Variants in FAM114A1 observed in about 807,000 individuals in gnomAD.
FAM114A1 encodes family with sequence similarity 114 member A1.
Under a neutral mutation model 64.3 loss-of-function variants are expected in FAM114A1, and 62 were observed. The ratio of observed to expected loss-of-function variants is 0.96; its 90% CI spans 0.79 to 1.19. The LOEUF (loss-of-function observed/expected upper bound fraction) is 1.19. Ranked by LOEUF, FAM114A1 falls within the 50% of genes most tolerant of loss-of-function variation. The pLI is 0.00. For synonymous variants in FAM114A1, 254 were observed against 251.1 expected (o/e 1.01, Z -0.11); for missense variants, 645 against 676.3 (o/e 0.95, Z 0.51).
chr4:38,936,253 C>A (rs963989489), intron 13 of FAM114A1, among the ~76,000 whole-genome samples: 1 of 151,608 alleles, frequency 6.6e-6, no homozygotes, highest in Non-Finnish European at 1.5e-5. Context: ...CCACCACACC[C>A]GGCTAATTTT....
chr4:38,931,386 G>C, intron 10 of FAM114A1, 65 bp from the exon 11 acceptor site: 1 of 1,522,342 alleles, frequency 6.6e-7, no homozygotes. Context: ...CTAGTCTTGG[G>C]GTTGGAATGA....
At chr4:38,926,510 A>C (rs1346037679) in intron 9 of FAM114A1, among the ~76,000 whole-genome samples, 1 of 149,924 alleles carries the variant, frequency 6.7e-6, no homozygotes, top group Non-Finnish European at 1.5e-5. Flanking sequence ...GCTGGAGTAC[A>C]GTGGTGCAAT....
intron 7 of FAM114A1, 25 bp from the exon 8 acceptor site, chr4:38,914,896 G>A: frequency 6.2e-7 from 1 of 1,610,930 alleles, no homozygotes; most frequent in Non-Finnish European, 8.5e-7. Flanking sequence ...TACATCCAGA[G>A]TACAAACATT....
chr4:38,935,646 G>A, intron 12 of FAM114A1, 72 bp from the exon 13 acceptor site: 1 of 1,076,260 alleles, frequency 9.3e-7, no homozygotes, highest in Non-Finnish European at 1.4e-6. Flanking sequence ...ATTAGTATCA[G>A]AAATGGTCGT....
At chr4:38,919,939 G>T (rs1031549936) in intron 8 of FAM114A1, among the ~76,000 whole-genome samples, 1 of 152,112 alleles carries the variant, frequency 6.6e-6, no homozygotes, top group Non-Finnish European at 1.5e-5. Context: ...GGCTGGGCGC[G>T]ATGGCACACC....
At chr4:38,917,099 T>C (rs754777120) in intron 8 of FAM114A1, among the ~76,000 whole-genome samples, 36 of 150,742 alleles carry the variant, frequency 2.4e-4, no homozygotes, top group Non-Finnish European at 4.0e-4. Flanking sequence ...ATGTCAGGAG[T>C]TCAAGACCAG....
chr4:38,930,875 A>G (rs1229178360), intron 10 of FAM114A1, among the ~76,000 whole-genome samples: 1 of 152,176 alleles, frequency 6.6e-6, no homozygotes, highest in African/African-American at 2.4e-5. Flanking sequence ...TAAACTAGAC[A>G]CAGAGCAGCA....
At chr4:38,879,249 A>C (rs1394038861) in intron 3 of FAM114A1, among the ~76,000 whole-genome samples, 1 of 152,084 alleles carries the variant, frequency 6.6e-6, no homozygotes, top group Non-Finnish European at 1.5e-5. Context: ...GGAGGGAGGA[A>C]TTGGGGTCTT....
chr4:38,943,570 C>G lies in FAM114A1; in HGVS notation c.*13C>G. 1.2e-6 allele frequency: 2 copies of G among 1,611,500 alleles called. No individual in the cohort carries two copies. The highest frequency in any genetic ancestry group is 1.1e-5 in the South Asian group (1 of 90,960). On this transcript the variant is annotated 3_prime_UTR_variant, in exon 15 of 15. Transcript: ENST00000358869. ...AGCACAGCCGTGACCTGGCCAGACT[C>G]CATCTAGTTAAAGGAGACAGCTGGC...
chr4:38,871,515 T>G (rs1402564374), intron 2 of FAM114A1, among the ~76,000 whole-genome samples: 1 of 152,204 alleles, frequency 6.6e-6, no homozygotes, highest in Non-Finnish European at 1.5e-5. Flanking sequence ...TTGACAATAG[T>G]CCATAAATAT....
At chr4:38,921,854 A>T (rs1719626443) in intron 8 of FAM114A1, among the ~76,000 whole-genome samples, 1 of 152,128 alleles carries the variant, frequency 6.6e-6, no homozygotes, top group African/African-American at 2.4e-5. Context: ...ACCCAGTGTG[A>T]TAACTGACAT....
intron 2 of FAM114A1, among the ~76,000 whole-genome samples, chr4:38,874,446 G>A (rs897618220): frequency 4.6e-5 from 7 of 152,100 alleles, no homozygotes; most frequent in African/African-American, 1.7e-4. Flanking sequence ...TCATATGCTT[G>A]TTGGCCACCT....
At chr4:38,927,132 T>TC (rs145782025) in intron 9 of FAM114A1, among the ~76,000 whole-genome samples, 5 of 152,174 alleles carry the variant, frequency 3.3e-5, no homozygotes, top group Admixed American at 2.0e-4. Flanking sequence ...GGAAGGCTCT[T>TC]CCCCCCTGAC....
At chr4:38,928,493 G>A (rs1720345283) in intron 9 of FAM114A1, among the ~76,000 whole-genome samples, 1 of 151,814 alleles carries the variant, frequency 6.6e-6, no homozygotes, top group Non-Finnish European at 1.5e-5. Context: ...TATACTGTCT[G>A]TTATATATAT....
intron 4 of FAM114A1, among the ~76,000 whole-genome samples, chr4:38,896,038 G>A (rs1716906797): frequency 6.6e-6 from 1 of 152,018 alleles, no homozygotes; most frequent in Non-Finnish European, 1.5e-5. Flanking sequence ...CAGAACCTTA[G>A]TATTTTCTAT....
At position 38,943,940 on chromosome 4, in the gene FAM114A1, T is replaced by C. The variant is rs1407975165; in HGVS notation, c.*383T>C. On this transcript the variant is annotated 3_prime_UTR_variant, in exon 15 of 15. Coordinates refer to ENST00000358869, the MANE Select transcript of FAM114A1 (RefSeq NM_138389.4). The stretch of plus-strand genomic sequence containing the variant: ...TATGTTTCAACCTTTAAATGTTCCA[T>C]TCTTATAGTATTACTTTAAATCAAT... 1 of 166,932 alleles carries C rather than the reference T, an allele frequency of 6.0e-6. No homozygotes were observed. The highest frequency in any genetic ancestry group is 1.3e-5 in the Non-Finnish European group (1 of 75,718). The allele number at this position is 166,932 out of a possible 1,614,324, so 10.3% of individuals were successfully genotyped here.
At chr4:38,906,694 C>T (rs1718042111) in intron 6 of FAM114A1, among the ~76,000 whole-genome samples, 1 of 152,138 alleles carries the variant, frequency 6.6e-6, no homozygotes, top group South Asian at 2.1e-4. Context: ...ACCACCACAC[C>T]CAGCTAATTT....
At chr4:38,909,294 A>G (rs1278600799) in intron 7 of FAM114A1, among the ~76,000 whole-genome samples, 1 of 152,218 alleles carries the variant, frequency 6.6e-6, no homozygotes, top group African/African-American at 2.4e-5. Context: ...CTGAGTTAGA[A>G]TAGAACCCAG....
chr4:38,943,553 C>T lies in FAM114A1; in HGVS notation c.1688C>T (p.Pro563Leu), dbSNP rs944719429. Residue 563 changes from proline to leucine, a missense_variant, in exon 15 of 15, where the codon CCG (proline) becomes CTG (leucine). Pro to Leu is a moderately conservative substitution (Grantham distance 98). Transcript: ENST00000358869. Reference protein sequence around the residue: ...HIQTSCLKAQP With the variant: ...HIQTSCLKAQL ...CAGACCAGTTGTTTGAAAGCACAGC[C>T]GTGACCTGGCCAGACTCCATCTAGT... The T allele has an allele frequency of 9.9e-6, 16 of 1,613,482 alleles. No individual in the cohort carries two copies. The highest frequency in any genetic ancestry group is 2.2e-5 in the South Asian group (2 of 91,004).
Sources: allele counts gnomAD v4.1 joint callset (sites outside exome capture counted in the v4.1 genomes callset), GRCh38; gene constraint gnomAD v4.1.1; transcripts MANE v1.5; gene names NCBI Gene and HGNC (gene_info 2026-07-23, HGNC 2026-07-21).